The following ADCY2 variants were observed in gnomAD, a reference collection of about 807,000 sequenced individuals.
ADCY2 encodes the protein adenylate cyclase type 2.
Under a neutral mutation model 125.2 loss-of-function variants are expected in ADCY2, and 31 were observed. The ratio of observed to expected loss-of-function variants is 0.25; its 90% CI spans 0.19 to 0.33. ADCY2 has a LOEUF of 0.33. Ranked by LOEUF, ADCY2 falls within the 10% of genes least tolerant of loss-of-function variation. The probability of loss-of-function intolerance (pLI) is 1.00; values close to 1 mark genes in which losing one functional copy is unlikely to be tolerated. For synonymous variants in ADCY2, 512 were observed against 548.4 expected (o/e 0.93, Z 0.93); for missense variants, 904 against 1,418.2 (o/e 0.64, Z 5.82).
In ADCY2 at chr5:7,709,526, T is replaced by C. The variant is rs1741372310; in HGVS notation, c.1578+139T>C. ...CACCTTCTTCTTCTCAGAGAGGCCC[T>C]TATGAACAACCATCAGGGTATGAGT... On this transcript the variant is annotated intron_variant, in intron 10 of 24. Coordinates refer to ENST00000338316, the MANE Select transcript of ADCY2 (RefSeq NM_020546.3). The surrounding 1 kb of genome is among the most constrained non-coding windows in gnomAD (Gnocchi z 4.4). 2.8e-6 allele frequency: 3 copies of C among 1,057,102 alleles called. No homozygotes were observed. Among genetic ancestry groups the C allele is most frequent in the Non-Finnish European group, 4.0e-6 (3 of 756,368 alleles). 65.5% of individuals were successfully genotyped at this position (1,057,102 alleles called of 1,614,324 possible).
chr5:7,667,876 G>A (rs1360404972), intron 4 of ADCY2, among the ~76,000 whole-genome samples: 1 of 152,206 alleles, frequency 6.6e-6, no homozygotes, highest in Non-Finnish European at 1.5e-5. Context: ...CAGAGGTGAT[G>A]CCATGGTGAT....
At chr5:7,542,532 G>T (rs575523745) in intron 3 of ADCY2, among the ~76,000 whole-genome samples, 17 of 152,298 alleles carry the variant, frequency 1.1e-4, no homozygotes, top group Admixed American at 4.6e-4. Flanking sequence ...TAAACAAAGT[G>T]TAGTGCATTT....
chr5:7,470,632 A>ATG (rs1409687577), intron 2 of ADCY2, among the ~76,000 whole-genome samples: 4 of 115,526 alleles, frequency 3.5e-5, no homozygotes, highest in Non-Finnish European at 5.6e-5. Context: ...ACTACTGTAT[A>ATG]TATGTGTGTG....
intron 23 of ADCY2, 85 bp downstream of exon 23, chr5:7,817,065 C>A: frequency 9.7e-7 from 1 of 1,033,278 alleles, no homozygotes; most frequent in South Asian, 1.4e-5. Context: ...ATGATCCTTT[C>A]AGTGTTGGAG....
intron 12 of ADCY2, among the ~76,000 whole-genome samples, chr5:7,723,490 TG>T (rs1741829594): frequency 1.3e-5 from 2 of 152,174 alleles, no homozygotes; most frequent in African/African-American, 4.8e-5. Context: ...TCAGACAATG[TG>T]GTACAATGCA....
intron 22 of ADCY2, among the ~76,000 whole-genome samples, chr5:7,816,271 A>G (rs1331086578): frequency 1.3e-5 from 2 of 152,238 alleles, no homozygotes; most frequent in Non-Finnish European, 2.9e-5. Context: ...CAGTGCAGAG[A>G]CAGTAGCTGC....
At chr5:7,435,858 G>GT (rs980609591) in intron 2 of ADCY2, among the ~76,000 whole-genome samples, 3 of 152,192 alleles carry the variant, frequency 2.0e-5, no homozygotes, top group Admixed American at 6.5e-5. Context: ...TAACTGAGCA[G>GT]TTTTTTCCCA....
intron 14 of ADCY2, among the ~76,000 whole-genome samples, chr5:7,741,134 G>A (rs2126426741): frequency 6.6e-6 from 1 of 152,030 alleles, no homozygotes; most frequent in East Asian, 1.9e-4. Context: ...TTTTACATTT[G>A]AAAATCTAAA....
intron 2 of ADCY2, among the ~76,000 whole-genome samples, chr5:7,441,369 G>C (rs1445147599): frequency 6.6e-6 from 1 of 152,022 alleles, no homozygotes; most frequent in African/African-American, 2.4e-5. Flanking sequence ...AAGATGCTTC[G>C]CTGAGTGATA....
chr5:7,525,947 A>T (rs1734443689), intron 3 of ADCY2, among the ~76,000 whole-genome samples: 1 of 152,008 alleles, frequency 6.6e-6, no homozygotes, highest in Admixed American at 6.5e-5. Context: ...TGTCCCCTGC[A>T]AGCATGTTCC....
intron 11 of ADCY2, among the ~76,000 whole-genome samples, 197 bp from the exon 12 acceptor site, chr5:7,716,960 T>C (rs1001493171): frequency 6.6e-6 from 1 of 152,220 alleles, no homozygotes; most frequent in African/African-American, 2.4e-5. Flanking sequence ...GAATTTGAAA[T>C]GTTTCCAACA....
At chr5:7,726,587 C>T (rs778390854) in intron 13 of ADCY2, among the ~76,000 whole-genome samples, 3 of 152,092 alleles carry the variant, frequency 2.0e-5, no homozygotes, top group East Asian at 1.9e-4. Flanking sequence ...ATGCACTGGA[C>T]GAGAGAAAGG....
chr5:7,719,951 A>G (rs970851904), intron 12 of ADCY2, among the ~76,000 whole-genome samples: 2 of 152,226 alleles, frequency 1.3e-5, no homozygotes, highest in Middle Eastern at 3.4e-3. Flanking sequence ...GTGTGGGTGT[A>G]CCCATGCCCC....
chr5:7,783,669 C>A (rs2126496803), intron 18 of ADCY2, among the ~76,000 whole-genome samples: 1 of 152,294 alleles, frequency 6.6e-6, no homozygotes, highest in East Asian at 1.9e-4. Context: ...GTCTTAGTTA[C>A]AGTCCTATGT....
At chr5:7,421,438 C>G (rs972577959) in intron 2 of ADCY2, among the ~76,000 whole-genome samples, 3 of 152,222 alleles carry the variant, frequency 2.0e-5, no homozygotes, top group Non-Finnish European at 4.4e-5. Context: ...CTGCCTCCGT[C>G]TTCACGTGGT....
At chr5:7,719,057 G>A (rs1313490376) in intron 12 of ADCY2, among the ~76,000 whole-genome samples, 6 of 152,108 alleles carry the variant, frequency 3.9e-5, no homozygotes, top group Non-Finnish European at 5.9e-5. Flanking sequence ...ATGTGTTAAC[G>A]CAGGACACCT....
At chr5:7,629,107 C>T (rs1389345694) in intron 4 of ADCY2, among the ~76,000 whole-genome samples, 2 of 152,234 alleles carry the variant, frequency 1.3e-5, no homozygotes, top group African/African-American at 4.8e-5. Flanking sequence ...AGCCAGAAAA[C>T]AGTTTCAGTC....
chr5:7,743,806 T>C (rs1742517792), intron 15 of ADCY2, 54 bp downstream of exon 15: 1 of 1,561,640 alleles, frequency 6.4e-7, no homozygotes. Context: ...TCATGAAAGC[T>C]GATTTCTTGC....
chr5:7,723,504 C>T (rs1741829949), intron 12 of ADCY2, among the ~76,000 whole-genome samples: 1 of 152,166 alleles, frequency 6.6e-6, no homozygotes, highest in Non-Finnish European at 1.5e-5. Flanking sequence ...ACAATGCATA[C>T]TTCCATATAA....
Sources: gnomAD v4.1 joint callset for allele counts (sites outside exome capture counted in the v4.1 genomes callset) on GRCh38, gnomAD v4.1.1 for gene constraint, Gnocchi (gnomAD v3.1) non-coding constraint, MANE v1.5 for transcripts, NCBI Gene and HGNC (gene_info 2026-07-23, HGNC 2026-07-21) for gene names.